The following AGTPBP1 variants were observed in gnomAD, a reference collection of about 807,000 sequenced individuals.
AGTPBP1 encodes the protein ATP/GTP binding carboxypeptidase 1.
A neutral mutation model predicts 143.9 loss-of-function variants in AGTPBP1; 70 were observed. The ratio of observed to expected loss-of-function variants is 0.49; its 90% confidence interval spans 0.40 to 0.59. The LOEUF (loss-of-function observed/expected upper bound fraction) is 0.59. Ranked by LOEUF, AGTPBP1 falls within the 20% of genes least tolerant of loss-of-function variation. The probability of loss-of-function intolerance (pLI) is 0.00; values close to 1 mark genes in which losing one functional copy is unlikely to be tolerated. For synonymous variants in AGTPBP1, 463 were observed against 500.2 expected (o/e 0.93, Z 0.99); for missense variants, 1,229 against 1,464.5 (o/e 0.84, Z 2.62).
At chr9:85,575,564 A>C in intron 24 of AGTPBP1, 89 bp from the exon 25 acceptor site, 6 of 1,082,088 alleles carry the variant, frequency 5.5e-6, no homozygotes, top group Non-Finnish European at 7.6e-6. Context: ...AGAATTTATA[A>C]CTATATTAAT....
intron 14 of AGTPBP1, among the ~76,000 whole-genome samples, chr9:85,630,254 A>C (rs530981767): frequency 1.3e-5 from 2 of 152,274 alleles, no homozygotes; most frequent in South Asian, 4.1e-4. Context: ...GGCCTCTCCT[A>C]AGGGGAAACT....
At position 85,602,148 on chromosome 9, in the gene AGTPBP1, C is replaced by A. The variant is rs544152778; in HGVS notation, c.2336-5699G>T. On this transcript the variant is annotated intron_variant, in intron 17 of 25. Transcript: ENST00000357081. ...ATAATTCTCCAGCAACAGATTCCAA[C>A]GAGAAAGAAATACATGAAATGCTGG... is the stretch of plus-strand genomic sequence containing the variant. Among the ~76,000 whole-genome samples, 6 of 151,940 alleles carry A rather than the reference C, an allele frequency of 3.9e-5. No individual in the cohort carries two copies. The South Asian group carries it at 1.3e-3, about 32-fold the overall frequency.
chr9:85,616,231 A>C (rs888479122), intron 17 of AGTPBP1, among the ~76,000 whole-genome samples: 7 of 152,006 alleles, frequency 4.6e-5, no homozygotes, highest in Non-Finnish European at 1.0e-4. Context: ...TGAGTTTGGA[A>C]AGTGTGATAT....
At chr9:85,800,249 T>C in the AGTPBP1 span, among the ~76,000 whole-genome samples, 1,910 of 152,264 alleles carry the variant, frequency 0.013, 22 homozygotes, top group Middle Eastern at 0.017. Flanking sequence ...GTAGGGAATA[T>C]AGGGGAGGCA....
At chr9:85,762,378 C>T in the AGTPBP1 span, among the ~76,000 whole-genome samples, 16 of 151,838 alleles carry the variant, frequency 1.1e-4, no homozygotes, top group Non-Finnish European at 1.0e-4. Context: ...ACCCAAATGT[C>T]CAACAATGAT....
intron 3 of AGTPBP1, among the ~76,000 whole-genome samples, chr9:85,692,328 C>T (rs899112645): frequency 6.7e-6 from 1 of 149,384 alleles, no homozygotes; most frequent in African/African-American, 2.5e-5. Flanking sequence ...GGCTGGAGTG[C>T]AGTGGCACGA....
upstream of AGTPBP1, among the ~76,000 whole-genome samples, chr9:85,742,538 A>T (rs1321212664): frequency 6.6e-6 from 1 of 152,180 alleles, no homozygotes; most frequent in Non-Finnish European, 1.5e-5. Flanking sequence ...GGCTCCCAGA[A>T]AACAACAGGA....
At chr9:85,741,723 G>A (rs1588018835) in intron 1 of AGTPBP1, 52 bp downstream of exon 1, 1 of 1,274,774 alleles carries the variant, frequency 7.8e-7, no homozygotes, top group Non-Finnish European at 9.9e-7. Flanking sequence ...GCGGCCCGGG[G>A]AGAGCAGAGG....
chr9:85,781,007 C>T, the AGTPBP1 span, among the ~76,000 whole-genome samples: 1 of 152,104 alleles, frequency 6.6e-6, no homozygotes. Flanking sequence ...GTCCCAGCTA[C>T]TTGGGAGGCG....
At chr9:85,638,441 G>C (rs1832229454) in intron 13 of AGTPBP1, among the ~76,000 whole-genome samples, 2 of 151,650 alleles carry the variant, frequency 1.3e-5, no homozygotes, top group South Asian at 4.2e-4. Context: ...ATGAAGGCAA[G>C]AAAAAGAGAT....
At chr9:85,781,297 C>G in the AGTPBP1 span, 72 of 1,565,992 alleles carry the variant, frequency 4.6e-5, no homozygotes, top group Admixed American at 3.4e-4. Flanking sequence ...GAAAACCAGC[C>G]GGGATCATAA....
At chr9:85,586,556 T>C (rs757004096) in intron 22 of AGTPBP1, among the ~76,000 whole-genome samples, 4 of 152,202 alleles carry the variant, frequency 2.6e-5, no homozygotes, top group African/African-American at 4.8e-5. Context: ...AATAAGCTTC[T>C]AGTTTGAGAA....
chr9:85,715,235 G>A (rs1837630058), intron 1 of AGTPBP1, among the ~76,000 whole-genome samples: 1 of 150,044 alleles, frequency 6.7e-6, no homozygotes, highest in Non-Finnish European at 1.5e-5. Flanking sequence ...GACAGAGCGA[G>A]ACTCTGTCTC....
chr9:85,610,588 T>TATA (rs1295187456), intron 17 of AGTPBP1, among the ~76,000 whole-genome samples: 1 of 152,012 alleles, frequency 6.6e-6, no homozygotes, highest in East Asian at 1.9e-4. Flanking sequence ...AGACCTCTAT[T>TATA]GGGCACATTT....
intron 24 of AGTPBP1, 130 bp from the exon 25 acceptor site, chr9:85,575,605 C>G: frequency 1.5e-6 from 1 of 656,552 alleles, no homozygotes; most frequent in Non-Finnish European, 2.3e-6. Context: ...TTGTATGGAA[C>G]TAGGACTCAA....
chr9:85,765,025 T>A, the AGTPBP1 span: 3 of 612,700 alleles, frequency 4.9e-6, no homozygotes, highest in African/African-American at 5.5e-5. Flanking sequence ...TCTGGTAAAC[T>A]TGGTTCCTTG....
intron 2 of AGTPBP1, among the ~76,000 whole-genome samples, chr9:85,707,262 A>C (rs1267763484): frequency 6.6e-6 from 1 of 152,212 alleles, no homozygotes; most frequent in Non-Finnish European, 1.5e-5. Context: ...GGAAATTTAC[A>C]GCAATAAATG....
At chr9:85,683,652 T>C (rs79685506) in intron 3 of AGTPBP1, among the ~76,000 whole-genome samples, 2,548 of 152,256 alleles carry the variant, frequency 0.017, 25 homozygotes, top group Middle Eastern at 0.054. Context: ...CCTAGTTCCA[T>C]AGTTTCTCGA....
At chr9:85,778,779 G>A in the AGTPBP1 span, among the ~76,000 whole-genome samples, 1 of 152,248 alleles carries the variant, frequency 6.6e-6, no homozygotes, top group African/African-American at 2.4e-5. Flanking sequence ...TTTTACTGAG[G>A]TAGAAGAGTT....
Sources: allele counts gnomAD v4.1 joint callset (sites outside exome capture counted in the v4.1 genomes callset), GRCh38; gene constraint gnomAD v4.1.1; transcripts MANE v1.5; gene names NCBI Gene and HGNC (gene_info 2026-07-23, HGNC 2026-07-21).